ANGPT1: variants seen among roughly 807,000 people sequenced by gnomAD.
ANGPT1 encodes the protein angiopoietin-1.
ANGPT1 carries 17 observed loss-of-function variants against 62.2 expected under a neutral mutation model. The ratio of observed to expected loss-of-function variants is 0.27; its 90% CI spans 0.19 to 0.41. The LOEUF (loss-of-function observed/expected upper bound fraction) is 0.41, where lower values mean the gene tolerates loss of function less well. Ranked by LOEUF, ANGPT1 falls within the 10% of genes least tolerant of loss-of-function variation. ANGPT1 has a pLI of 1.00. For synonymous variants in ANGPT1, 199 were observed against 198.9 expected, an observed-to-expected ratio of 1.00 and a Z score of 0.00; for missense variants, 478 against 594.9, an observed-to-expected ratio of 0.80 and a Z score of 2.04.
At chr8:107,464,179 A>G (rs1434079828) in intron 1 of ANGPT1, among the ~76,000 whole-genome samples, 1 of 152,164 alleles carries the variant, frequency 6.6e-6, no homozygotes, top group African/African-American at 2.4e-5. Context: ...TCCAAAATGA[A>G]GATGATAAGA....
In ANGPT1 at chr8:107,400,634, A is replaced by C. The variant is rs151295730; in HGVS notation, c.298-53537T>G. On this transcript the variant is annotated intron_variant, in intron 1 of 8. Coordinates refer to ENST00000517746, the MANE Select transcript of ANGPT1 (RefSeq NM_001146.5). ...GAGTGCATTGTCGTGATCTCGGCAC[A>C]CTGCAGCCTCCACCTCCCAGGTTCA... Among the ~76,000 whole-genome samples the C allele has an allele frequency of 2.3e-3, 344 of 149,340 alleles. 1 individual carries two copies. The highest frequency in any genetic ancestry group is 8.2e-3 in the African/African-American group (329 of 40,332).
chr8:107,424,919 G>C (rs1000646878), intron 1 of ANGPT1, among the ~76,000 whole-genome samples: 8 of 152,146 alleles, frequency 5.3e-5, no homozygotes, highest in African/African-American at 1.9e-4. Flanking sequence ...TTGTCGCCCA[G>C]GCTGGAGTGC....
intron 1 of ANGPT1, among the ~76,000 whole-genome samples, chr8:107,349,164 A>AGATC (rs1554584827): frequency 3.9e-5 from 6 of 152,022 alleles, no homozygotes; most frequent in East Asian, 1.9e-4. Flanking sequence ...ATAGATAGAT[A>AGATC]GATCTATGTA....
intron 4 of ANGPT1, among the ~76,000 whole-genome samples, chr8:107,314,566 A>G (rs1814969259): frequency 6.6e-6 from 1 of 152,204 alleles, no homozygotes; most frequent in South Asian, 2.1e-4. Context: ...TAAACAGTCA[A>G]TTTTGCCTTA....
chr8:107,492,425 T>G (rs1812984531), intron 1 of ANGPT1, among the ~76,000 whole-genome samples: 6 of 152,188 alleles, frequency 3.9e-5, no homozygotes, highest in Admixed American at 3.9e-4. Flanking sequence ...AACCTCCGCC[T>G]CCTGGGTTCA....
chr8:107,310,947 G>GTGTA (rs773632656), intron 4 of ANGPT1, among the ~76,000 whole-genome samples: 2 of 95,632 alleles, frequency 2.1e-5, no homozygotes, highest in Admixed American at 1.4e-4. Context: ...GTGTGTGTGT[G>GTGTA]TGTATGTATG....
intron 1 of ANGPT1, among the ~76,000 whole-genome samples, chr8:107,407,324 G>C (rs1817169916): frequency 6.6e-6 from 1 of 150,692 alleles, no homozygotes; most frequent in Non-Finnish European, 1.5e-5. Context: ...ATACCAAAAT[G>C]CATAATTCAA....
intron 4 of ANGPT1, among the ~76,000 whole-genome samples, chr8:107,317,916 C>A (rs972911614): frequency 2.0e-5 from 3 of 152,202 alleles, no homozygotes; most frequent in African/African-American, 7.2e-5. Context: ...CAGGCATGAG[C>A]CACCGCGCCT....
Position 107,284,706 on chromosome 8 carries a change from A to G in ANGPT1, c.1181T>C (p.Ile394Thr). ...RAYSQYDRFH[I>T]GNEKQNYRLY... Reference sequence around the variant, plus strand: ...CCTATAGTTTTGCTTTTCATTTCCTATGTGGAATCTGTCATACTGTGAATA... The same window carrying G: ...CCTATAGTTTTGCTTTTCATTTCCTGTGTGGAATCTGTCATACTGTGAATA... The change falls in exon 7 of 9, where the codon ATA (isoleucine) becomes ACA (threonine). Residue 394 changes from isoleucine to threonine, a missense_variant. Transcript: ENST00000517746. The G allele has an allele frequency of 6.3e-7, 1 of 1,576,062 alleles. No homozygotes were observed. Among genetic ancestry groups the G allele is most frequent in the Non-Finnish European group, 8.6e-7 (1 of 1,157,320 alleles).
At chr8:107,406,132 A>T (rs560402229) in intron 1 of ANGPT1, among the ~76,000 whole-genome samples, 3 of 151,910 alleles carry the variant, frequency 2.0e-5, no homozygotes, top group Non-Finnish European at 4.4e-5. Context: ...GTTAAAATTG[A>T]TATGAAAGAT....
chr8:107,368,224 A>C (rs1442051771), intron 1 of ANGPT1, among the ~76,000 whole-genome samples: 1 of 152,182 alleles, frequency 6.6e-6, no homozygotes, highest in African/African-American at 2.4e-5. Flanking sequence ...GTGCATCTCC[A>C]TCAGAGCTCC....
intron 1 of ANGPT1, among the ~76,000 whole-genome samples, chr8:107,461,616 C>G (rs951902594): frequency 1.3e-5 from 2 of 152,104 alleles, no homozygotes; most frequent in Non-Finnish European, 2.9e-5. Context: ...AACAACTTCA[C>G]TGTATTATGG....
At chr8:107,474,016 G>A (rs1812436251) in intron 1 of ANGPT1, among the ~76,000 whole-genome samples, 1 of 152,110 alleles carries the variant, frequency 6.6e-6, no homozygotes, top group African/African-American at 2.4e-5. Flanking sequence ...GTACAAGGAG[G>A]AGCTGGGACC....
intron 8 of ANGPT1, among the ~76,000 whole-genome samples, chr8:107,263,608 C>G (rs1813548273): frequency 6.6e-6 from 1 of 151,948 alleles, no homozygotes; most frequent in South Asian, 2.1e-4. Flanking sequence ...GAGAATTTCT[C>G]TGTGGGGCTA....
At chr8:107,438,988 C>T (rs976731067) in intron 1 of ANGPT1, among the ~76,000 whole-genome samples, 6 of 152,114 alleles carry the variant, frequency 3.9e-5, no homozygotes, top group African/African-American at 1.4e-4. Context: ...TTCATGTTCA[C>T]ATATATAGAG....
chr8:107,439,917 A>T (rs1428299755), intron 1 of ANGPT1, among the ~76,000 whole-genome samples: 9 of 152,126 alleles, frequency 5.9e-5, no homozygotes, highest in African/African-American at 2.2e-4. Flanking sequence ...GAATCAGTAG[A>T]CTCGGTATTA....
At chr8:107,411,481 G>C (rs1817265166) in intron 1 of ANGPT1, among the ~76,000 whole-genome samples, 1 of 151,980 alleles carries the variant, frequency 6.6e-6, no homozygotes, top group Non-Finnish European at 1.5e-5. Context: ...AATAAATTCA[G>C]AGCAAAAATA....
intron 3 of ANGPT1, among the ~76,000 whole-genome samples, chr8:107,322,482 G>A (rs1815178038): frequency 6.6e-6 from 1 of 152,046 alleles, no homozygotes; most frequent in Non-Finnish European, 1.5e-5. Flanking sequence ...ATGGGCCTAA[G>A]AGGAAACAGA....
At chr8:107,480,289 G>A (rs1394089162) in intron 1 of ANGPT1, among the ~76,000 whole-genome samples, 1 of 152,136 alleles carries the variant, frequency 6.6e-6, no homozygotes, top group African/African-American at 2.4e-5. Flanking sequence ...TAACCTATCT[G>A]AACAGGATCT....
Sources: allele counts gnomAD v4.1 joint callset (sites outside exome capture counted in the v4.1 genomes callset), GRCh38; gene constraint gnomAD v4.1.1; transcripts MANE v1.5; gene names NCBI Gene and HGNC (gene_info 2026-07-23, HGNC 2026-07-21).